Variants in PTGS2 observed in about 807,000 individuals in gnomAD.
PTGS2 encodes prostaglandin G/H synthase 2.
In PTGS2, 14 loss-of-function variants were observed where a neutral mutation model predicts 63.8. That is an observed-to-expected ratio of 0.22 (90% CI 0.14 to 0.34). PTGS2 has a LOEUF of 0.34. Ranked by LOEUF, PTGS2 falls within the 10% of genes least tolerant of loss-of-function variation. The pLI is 1.00. For synonymous variants in PTGS2, 271 were observed against 259.5 expected (o/e 1.04, Z -0.43); for missense variants, 533 against 738.5 (o/e 0.72, Z 3.23).
intron 9 of PTGS2, among the ~76,000 whole-genome samples, 175 bp from the exon 10 acceptor site, chr1:186,674,937 G>T (rs561296949): frequency 6.6e-6 from 1 of 152,210 alleles, no homozygotes; most frequent in African/African-American, 2.4e-5. Flanking sequence ...CCAGCACTTC[G>T]GGAGGCCGAA....
chr1:186,677,958 C>T (rs1355188376), intron 4 of PTGS2, 128 bp from the exon 5 acceptor site: 1 of 895,608 alleles, frequency 1.1e-6, no homozygotes, highest in African/African-American at 1.7e-5. Flanking sequence ...ATAATATAAA[C>T]AACAGTTCTA....
rs1665758941 is a variant in PTGS2 at position 186,675,190 on chromosome 1, A to C, written c.1405+59T>G. ...CGGCTCCATCTCGAAAAGAAAACCA[A>C]AAACAACAAAAACAAACAAACAAAC... On this transcript the variant is annotated intron_variant, in intron 9 of 9. Transcript: ENST00000367468. 16 of 1,594,730 alleles carry C rather than the reference A, an allele frequency of 1.0e-5. No homozygotes were observed. In the East Asian group the frequency reaches 3.6e-4, roughly 36 times the overall value.
intron 8 of PTGS2, 196 bp downstream of exon 8, chr1:186,675,702 A>G (rs901936434): frequency 3.1e-6 from 2 of 643,448 alleles, no homozygotes; most frequent in Non-Finnish European, 2.5e-6. Context: ...ACAATTTGCT[A>G]TTTGTCTGAC....
chr1:186,679,354 C>T lies in PTGS2; in HGVS notation c.137G>A (p.Arg46Gln). The T allele has an allele frequency of 6.2e-7, 1 of 1,614,078 alleles. No individual in the cohort carries two copies. The highest frequency in any genetic ancestry group is 1.1e-5 in the South Asian group (1 of 91,070). ...GCAGTTTTCTCCATAGAATCCTGTC[C>T]GGGTACAATCGCACTTATACTGGTC... is the stretch of plus-strand genomic sequence containing the variant. ...GFDQYKCDCT[R>Q]TGFYGENCST... Residue 46 changes from arginine to glutamine, a missense_variant, in exon 2 of 10, where the codon CGG (arginine) becomes CAG (glutamine). Physicochemically the swap from Arg to Gln is conservative, Grantham distance 43. Around this residue, in one of 5 missense-constraint regions of PTGS2, gnomAD observed 118 missense variants for 144.6 expected, o/e 0.82. Transcript: ENST00000367468.
chr1:186,676,990 C>A, intron 5 of PTGS2, 74 bp from the exon 6 acceptor site: 3 of 1,041,940 alleles, frequency 2.9e-6, no homozygotes, highest in South Asian at 1.6e-5. Flanking sequence ...TCATATAATT[C>A]ATCATTAAAT....
chr1:186,676,742 C>T, intron 6 of PTGS2, 29 bp from the exon 7 acceptor site: 1 of 1,599,378 alleles, frequency 6.3e-7, no homozygotes, highest in Non-Finnish European at 8.5e-7. Context: ...AAATAAACAT[C>T]AGTTAAAAAG....
At chr1:186,675,488 G>C (rs1348164869) in intron 8 of PTGS2, 92 bp from the exon 9 acceptor site, 22 of 1,411,172 alleles carry the variant, frequency 1.6e-5, no homozygotes, top group Non-Finnish European at 2.1e-5. Context: ...AGGTAAAACT[G>C]AAACTCCCAG....
rs1174183726 is a variant in PTGS2, at chr1:186,675,982, T to C, written c.1173A>G (p.Gln391=). 6.2e-7 allele frequency: 1 copy of C among 1,613,938 alleles called. No individual in the cohort carries two copies. The highest frequency in any genetic ancestry group is 1.1e-5 in the South Asian group (1 of 91,076). Residue 391 remains glutamine (Q), a synonymous_variant, in exon 8 of 10, where the codon CAA becomes CAG. Coordinates refer to ENST00000367468, the MANE Select transcript of PTGS2 (RefSeq NM_000963.4). ...ATATAGAGTTGTTGTAGATAAACTG[T>C]TGATAGTTGTATTTCTGGTCATGAA... is the stretch of plus-strand genomic sequence containing the variant. ...FQIHDQKYNY[Q]QFIYNNSILL...
Position 186,675,769 on chromosome 1 carries a change from C to G in PTGS2, c.1257+129G>C. On this transcript the variant is annotated intron_variant, in intron 8 of 9. Coordinates refer to ENST00000367468, the MANE Select transcript of PTGS2 (RefSeq NM_000963.4). ...TCAAACAAAGTTAGGCTTCTTATAT[C>G]AATAAAATAATTTTACTAGCAATAT... 6 of 1,024,608 alleles carry G rather than the reference C, an allele frequency of 5.9e-6. 1 individual carries two copies. Among genetic ancestry groups the G allele is most frequent in the South Asian group, 1.9e-5 (1 of 53,666 alleles). 63.5% of individuals were successfully genotyped at this position (1,024,608 alleles called of 1,614,324 possible).
At chr1:186,679,582 C>T in intron 1 of PTGS2, 144 bp from the exon 2 acceptor site, 1 of 641,784 alleles carries the variant, frequency 1.6e-6, no homozygotes, top group South Asian at 2.0e-5. Context: ...TTTTAACCTG[C>T]CTTAGAATGG....
chr1:186,671,926 G>T lies in PTGS2; in HGVS notation c.*2427C>A, dbSNP rs689470. The T allele has an allele frequency of 6.6e-6, 1 of 151,504 alleles. No homozygotes were observed. The highest frequency in any genetic ancestry group is 1.5e-5 in the Non-Finnish European group (1 of 67,868). The allele number at this position is 151,504 out of a possible 1,614,324, so 9.4% of individuals were successfully genotyped here. A position where few individuals can be genotyped will look rare whatever the true frequency, so the allele number is the denominator to read the frequency against. On this transcript the variant is annotated 3_prime_UTR_variant, in exon 10 of 10. Transcript: ENST00000367468. ...ATTTGTCTGAGGCACTGAAACATTC[G>T]CATACACAACCCAAATTCCCAGGTT...
rs778106200 is a variant in PTGS2 at position 186,675,882 on chromosome 1, CAAT to C, written c.1257+13_1257+15del. ...CTGACTAGTCTTTTGTTTTGGTTTT[CAAT>C]AATAATGCTTACCCTGCCAGCAATT... On this transcript the variant is annotated intron_variant, in intron 8 of 9. Transcript: ENST00000367468. 224 of 1,590,348 alleles carry C rather than the reference CAAT, an allele frequency of 1.4e-4. 1 individual carries two copies. The East Asian group carries it at 5.0e-3, about 35-fold the overall frequency.
chr1:186,674,673 G>A lies in PTGS2; in HGVS notation c.1495C>T (p.Arg499Trp), dbSNP rs201405348. 3.7e-6 allele frequency: 6 copies of A among 1,614,080 alleles called. No individual in the cohort carries two copies. The African/African-American group carries it at 4.0e-5, about 11-fold the overall frequency. Reference sequence around the variant, plus strand: ...GTTTCACCAAAGATGGCATCTGGCCGAGGCTTTTCTACCAGAAGGGCAGGA... The same window carrying A: ...GTTTCACCAAAGATGGCATCTGGCCAAGGCTTTTCTACCAGAAGGGCAGGA... ...LYPALLVEKP[R>W]PDAIFGETMV... is the part of the protein sequence containing the mutation. Residue 499 changes from arginine (R) to tryptophan (W), a missense_variant, in exon 10 of 10, where the codon CGG (arginine) becomes TGG (tryptophan). Arg to Trp is a moderately radical substitution (Grantham distance 101). Around this residue, in one of 5 missense-constraint regions of PTGS2, gnomAD observed 219 missense variants for 267.4 expected, o/e 0.82. Transcript: ENST00000367468.
intron 7 of PTGS2, 92 bp downstream of exon 7, chr1:186,676,375 C>T (rs1191648994): frequency 2.0e-6 from 3 of 1,509,972 alleles, no homozygotes; most frequent in Non-Finnish European, 1.8e-6. Context: ...TTTTCATTTA[C>T]CACATCTTGT....
chr1:186,679,058 A>C lies in PTGS2; in HGVS notation c.313T>G (p.Ser105Ala). The C allele has an allele frequency of 6.2e-7, 1 of 1,612,500 alleles. No individual in the cohort carries two copies. Among genetic ancestry groups the C allele is most frequent in the Non-Finnish European group, 8.5e-7 (1 of 1,179,498 alleles). Residue 105 changes from serine (S) to alanine (A), a missense_variant and splice_region_variant, in exon 3 of 10, where the codon TCC becomes GCC. Transcript: ENST00000367468. ...RNAIMSYVLT[S>A]RSHLIDSPPT... ...ACCTTAGAAAGACACTTGTACTTACATGTCAACACATAACTCATAATTGCA... is the reference window on the plus strand; with the variant it reads ...ACCTTAGAAAGACACTTGTACTTACCTGTCAACACATAACTCATAATTGCA...
At position 186,674,688 on chromosome 1, in the gene PTGS2, G is replaced by A. The variant is rs888344740; in HGVS notation, c.1480C>T (p.Leu494=). 6 of 1,614,226 alleles carry A rather than the reference G, an allele frequency of 3.7e-6. No homozygotes were observed. Among genetic ancestry groups the A allele is most frequent in the Non-Finnish European group, 5.1e-6 (6 of 1,180,038 alleles). Residue 494 remains leucine, a synonymous_variant, in exon 10 of 10, where the codon CTG becomes TTG. Coordinates refer to ENST00000367468, the MANE Select transcript of PTGS2 (RefSeq NM_000963.4). ...IDAVELYPAL[L]VEKPRPDAIF... ...GCATCTGGCCGAGGCTTTTCTACCA[G>A]AAGGGCAGGATACAGCTCCACAGCA...
At position 186,677,023 on chromosome 1, in the gene PTGS2, T is replaced by A. The variant is rs1188155734; in HGVS notation, c.640-107A>T. On this transcript the variant is annotated intron_variant, in intron 5 of 9. Coordinates refer to ENST00000367468, the MANE Select transcript of PTGS2 (RefSeq NM_000963.4). ...AATAATTTGATCATTTAGCTTTCTT[T>A]AAAATTTTTAAATAAAATATACATT... The A allele has an allele frequency of 6.2e-6, 5 of 809,768 alleles. No homozygotes were observed. In the African/African-American group the frequency reaches 8.8e-5, roughly 14 times the overall value. 50.2% of individuals were successfully genotyped at this position (809,768 alleles called of 1,614,324 possible). A position where few individuals can be genotyped will look rare whatever the true frequency, so the allele number is the denominator to read the frequency against.
chr1:186,676,487 G>A lies in PTGS2; in HGVS notation c.950C>T (p.Thr317Ile). Residue 317 changes from threonine (T) to isoleucine (I), a missense_variant, in exon 7 of 10, where the codon ACA becomes ATA. This residue lies in a region of PTGS2 where 67 missense variants were observed against 152.6 expected (regional missense o/e 0.44). Transcript: ENST00000367468. ...PEWGDEQLFQ[T>I]SRLILIGETI... The stretch of plus-strand genomic sequence containing the variant: ...TTTACCTATCAGTATTAGCCTGCTT[G>A]TCTGGAACAACTGCTCATCACCCCA... 6.2e-7 allele frequency: 1 copy of A among 1,614,122 alleles called. No individual in the cohort carries two copies. Among genetic ancestry groups the A allele is most frequent in the East Asian group, 2.2e-5 (1 of 44,876 alleles).
In PTGS2 at chr1:186,673,801, A is replaced by G. The variant is rs1665732252; in HGVS notation, c.*552T>C. 6.6e-6 allele frequency: 1 copy of G among 152,252 alleles called. No individual in the cohort carries two copies. The highest frequency in any genetic ancestry group is 6.5e-5 in the Admixed American group (1 of 15,284). The allele number at this position is 152,252 out of a possible 1,614,324, so 9.4% of individuals were successfully genotyped here. A position where few individuals can be genotyped will look rare whatever the true frequency, so the allele number is the denominator to read the frequency against. ...ACAGGTGATTCTACCCTATGAATTT[A>G]GAAATTTCAAATTATTGTTTCATTG... On this transcript the variant is annotated 3_prime_UTR_variant, in exon 10 of 10. Coordinates refer to ENST00000367468, the MANE Select transcript of PTGS2 (RefSeq NM_000963.4).
Sources: gnomAD v4.1 joint callset for allele counts (sites outside exome capture counted in the v4.1 genomes callset) on GRCh38, gnomAD v4.1.1 for gene constraint, gnomAD v4.1.1 regional missense constraint, MANE v1.5 for transcripts, NCBI Gene and HGNC (gene_info 2026-07-23, HGNC 2026-07-21) for gene names.